Variants in CA10 observed in about 807,000 individuals in gnomAD.
CA10 encodes carbonic anhydrase 10 (inactive).
CA10 carries 14 observed loss-of-function variants against 44.2 expected under a neutral mutation model. That is an observed-to-expected ratio of 0.32 (90% CI 0.21 to 0.50). The LOEUF (loss-of-function observed/expected upper bound fraction) is 0.50, where lower values mean the gene tolerates loss of function less well. Ranked by LOEUF, CA10 falls within the 20% of genes least tolerant of loss-of-function variation. CA10 has a pLI of 0.99. For missense variants in CA10, 350 were observed against 409.7 expected (o/e 0.85, Z 1.26); for synonymous variants, 159 against 141.6 (o/e 1.12, Z -0.87).
chr17:52,152,687 AT>A (rs1989728131), intron 1 of CA10, among the ~76,000 whole-genome samples: 4 of 152,130 alleles, frequency 2.6e-5, no homozygotes, highest in Admixed American at 2.6e-4. Context: ...ATTCTAAACT[AT>A]GTGTATGTAT....
chr17:52,147,095 C>T (rs1013302877), intron 1 of CA10, among the ~76,000 whole-genome samples: 1 of 152,046 alleles, frequency 6.6e-6, no homozygotes, highest in Non-Finnish European at 1.5e-5. Context: ...TAGGAAGCAA[C>T]ATGGAGAAAT....
At chr17:51,751,005 TCA>T (rs1457300508) in intron 3 of CA10, among the ~76,000 whole-genome samples, 1 of 152,238 alleles carries the variant, frequency 6.6e-6, no homozygotes, top group African/African-American at 2.4e-5. Context: ...CAAAAGATTC[TCA>T]GTCTGCCTCT....
At chr17:51,690,651 C>T (rs1435976311) in intron 4 of CA10, among the ~76,000 whole-genome samples, 1 of 152,196 alleles carries the variant, frequency 6.6e-6, no homozygotes, top group African/African-American at 2.4e-5. Context: ...GCTCTCTTGC[C>T]TGCTGCCATG....
chr17:51,763,854 C>A (rs138329618), intron 3 of CA10, among the ~76,000 whole-genome samples: 239 of 152,162 alleles, frequency 1.6e-3, no homozygotes, highest in African/African-American at 5.3e-3. Flanking sequence ...CCTCTGTAAT[C>A]TGCCCATTCT....
rs549055146 is a variant in CA10, at chr17:52,041,038, G to T, written c.136+31281C>A. ...CAGGTAGAACCCATGAAAGGGCATG[G>T]TCTTGGTAGAGGAGCTAAATTAGCC... On this transcript the variant is annotated intron_variant, in intron 2 of 8. Coordinates refer to ENST00000451037, the MANE Select transcript of CA10 (RefSeq NM_020178.5). Among the ~76,000 whole-genome samples the T allele has an allele frequency of 2.0e-5, 3 of 152,160 alleles. 1 individual carries two copies. In the South Asian group the frequency reaches 6.2e-4, roughly 32 times the overall value.
intron 4 of CA10, among the ~76,000 whole-genome samples, chr17:51,731,517 T>A (rs1238154894): frequency 2.0e-5 from 3 of 152,100 alleles, no homozygotes; most frequent in Non-Finnish European, 2.9e-5. Flanking sequence ...TTAGAAAACT[T>A]CCTTTGGTGG....
intron 3 of CA10, among the ~76,000 whole-genome samples, chr17:51,779,978 G>C (rs150311867): frequency 5.8e-4 from 88 of 152,266 alleles, no homozygotes; most frequent in Non-Finnish European, 5.3e-4. Context: ...ATCTCTCCCT[G>C]TGGATGCTGA....
At chr17:51,842,867 T>C (rs914103582) in intron 3 of CA10, among the ~76,000 whole-genome samples, 14 of 152,142 alleles carry the variant, frequency 9.2e-5, no homozygotes, top group Non-Finnish European at 1.8e-4. Context: ...CAACTAAAAA[T>C]TCATTTCTGG....
chr17:51,960,564 T>G (rs1324509141), intron 2 of CA10, among the ~76,000 whole-genome samples: 1 of 152,070 alleles, frequency 6.6e-6, no homozygotes, highest in Non-Finnish European at 1.5e-5. Flanking sequence ...TTAGTGAAAA[T>G]CATAGAAGCC....
chr17:51,666,861 G>C (rs1420179357), intron 4 of CA10, among the ~76,000 whole-genome samples: 3 of 152,184 alleles, frequency 2.0e-5, no homozygotes, highest in Non-Finnish European at 4.4e-5. Context: ...AAGCACCCAA[G>C]AAGATTATAA....
At chr17:51,891,461 T>A (rs1460665746) in intron 3 of CA10, among the ~76,000 whole-genome samples, 12 of 152,086 alleles carry the variant, frequency 7.9e-5, no homozygotes, top group Admixed American at 7.9e-4. Context: ...GCGATTTGGT[T>A]TGGATGAATA....
chr17:51,826,586 T>G (rs781410577), intron 3 of CA10, among the ~76,000 whole-genome samples: 6 of 152,188 alleles, frequency 3.9e-5, no homozygotes, highest in Non-Finnish European at 5.9e-5. Flanking sequence ...CCTGCTTGTG[T>G]GGACATTCAG....
intron 1 of CA10, among the ~76,000 whole-genome samples, chr17:52,096,447 G>A (rs1338488912): frequency 1.3e-5 from 2 of 152,100 alleles, no homozygotes; most frequent in Non-Finnish European, 2.9e-5. Flanking sequence ...TGGACACTCT[G>A]GTACATCCGA....
intron 6 of CA10, among the ~76,000 whole-genome samples, chr17:51,638,984 G>A (rs1912958231): frequency 6.6e-6 from 1 of 152,126 alleles, no homozygotes; most frequent in South Asian, 2.1e-4. Flanking sequence ...AGGGAGGGCT[G>A]CTGTGAGAAA....
chr17:51,763,942 A>C (rs115274686), intron 3 of CA10, among the ~76,000 whole-genome samples: 138 of 152,024 alleles, frequency 9.1e-4, no homozygotes, highest in African/African-American at 3.3e-3. Flanking sequence ...GACATGGCCC[A>C]ACTTAAGCCC....
chr17:52,107,940 C>T (rs951346080), intron 1 of CA10, among the ~76,000 whole-genome samples: 3 of 151,886 alleles, frequency 2.0e-5, no homozygotes, highest in Non-Finnish European at 4.4e-5. Flanking sequence ...GCAGAAAATG[C>T]CACATACAAC....
chr17:52,129,526 G>A (rs1989187407), intron 1 of CA10, among the ~76,000 whole-genome samples: 1 of 152,192 alleles, frequency 6.6e-6, no homozygotes, highest in African/African-American at 2.4e-5. Context: ...ACTATGTGGT[G>A]AATCAGGTAT....
rs570042253 is a variant in CA10, at chr17:52,068,357, C to A, written c.136+3962G>T. Among the ~76,000 whole-genome samples the A allele has an allele frequency of 4.6e-5, 7 of 152,350 alleles. No individual in the cohort carries two copies. The South Asian group carries it at 1.4e-3, about 32-fold the overall frequency. ...TGCCATAATTGTAAGTTTCCTGAGGCCTCCCGGCCATACTTAACTGTGAGT... is the reference window on the plus strand; with the variant it reads ...TGCCATAATTGTAAGTTTCCTGAGGACTCCCGGCCATACTTAACTGTGAGT... On this transcript the variant is annotated intron_variant, in intron 2 of 8. Transcript: ENST00000451037.
intron 4 of CA10, among the ~76,000 whole-genome samples, chr17:51,671,412 T>C (rs1195617677): frequency 1.3e-5 from 2 of 151,980 alleles, no homozygotes; most frequent in African/African-American, 4.8e-5. Flanking sequence ...TTTGTTTTTG[T>C]TTTTGTTTTT....
Sources: allele counts gnomAD v4.1 joint callset (sites outside exome capture counted in the v4.1 genomes callset), GRCh38; gene constraint gnomAD v4.1.1; transcripts MANE v1.5; gene names NCBI Gene and HGNC (gene_info 2026-07-23, HGNC 2026-07-21).